CORO7: variants seen among roughly 807,000 people sequenced by gnomAD.
CORO7 encodes the protein coronin-7.
In CORO7, 107 loss-of-function variants were observed where a neutral mutation model predicts 126.6. The ratio of observed to expected loss-of-function variants is 0.85; its 90% CI spans 0.72 to 0.99. CORO7 has a LOEUF of 0.99. Among genes scored for constraint, CORO7 ranks in the 50% least tolerant of loss-of-function variants. CORO7 has a pLI of 0.00. For synonymous variants in CORO7, 603 were observed against 536.8 expected, an observed-to-expected ratio of 1.12 and a Z score of -1.70; for missense variants, 1,314 against 1,255.8, an observed-to-expected ratio of 1.05 and a Z score of -0.70.
chr16:4,398,955 G>A (rs780319684), intron 6 of CORO7, among the ~76,000 whole-genome samples: 4 of 149,004 alleles, frequency 2.7e-5, no homozygotes, highest in Admixed American at 6.7e-5. Flanking sequence ...GTGACAGTGC[G>A]AGACTCCGTC....
chr16:4,363,180 C>A, intron 14 of CORO7: 1 of 153,808 alleles, frequency 6.5e-6, no homozygotes. Flanking sequence ...GGCTGTAATC[C>A]CAGCAGTTTG....
chr16:4,401,337 T>C lies in CORO7; in HGVS notation c.564+4154A>G, dbSNP rs1036674637. Among the ~76,000 whole-genome samples the C allele has an allele frequency of 4.6e-5, 7 of 152,326 alleles. No individual in the cohort carries two copies. In the East Asian group the frequency reaches 1.4e-3, roughly 29 times the overall value. On this transcript the variant is annotated intron_variant, in intron 6 of 27. Coordinates refer to ENST00000251166, the MANE Select transcript of CORO7 (RefSeq NM_024535.5). ...AGGGGGCCGTGGGCACACGCATGGC[T>C]GGCAGAGGCGGGGGCCTGTCTGGAG...
At chr16:4,400,411 ATCACCTGATG>A (rs2055755756) in intron 6 of CORO7, among the ~76,000 whole-genome samples, 1 of 152,196 alleles carries the variant, frequency 6.6e-6, no homozygotes, top group Admixed American at 6.5e-5. Context: ...AGGTGGGTGG[ATCACCTGATG>A]TCAGGAGTTC....
intron 9 of CORO7, chr16:4,382,231 A>G: frequency 6.2e-7 from 1 of 1,606,650 alleles, no homozygotes; most frequent in African/African-American, 1.3e-5. Context: ...GACACGGCCC[A>G]GCCCTACACC....
intron 3 of CORO7, among the ~76,000 whole-genome samples, chr16:4,410,805 T>A (rs1373472978): frequency 6.6e-6 from 1 of 152,146 alleles, no homozygotes; most frequent in African/African-American, 2.4e-5. Context: ...CGGTCACAAC[T>A]CAACTCTGCA....
chr16:4,394,091 A>G (rs1409763474), intron 7 of CORO7, among the ~76,000 whole-genome samples: 1 of 151,448 alleles, frequency 6.6e-6, no homozygotes, highest in East Asian at 1.9e-4. Flanking sequence ...AAAGAGCAAG[A>G]CTCCATCTCC....
intron 9 of CORO7, among the ~76,000 whole-genome samples, chr16:4,377,221 C>G (rs968810575): frequency 6.6e-6 from 1 of 152,136 alleles, no homozygotes; most frequent in Non-Finnish European, 1.5e-5. Context: ...TCCCACCCCC[C>G]GACGTCCCCG....
chr16:4,411,635 T>TCA (rs2056212699), intron 3 of CORO7, among the ~76,000 whole-genome samples: 1 of 152,068 alleles, frequency 6.6e-6, no homozygotes, highest in African/African-American at 2.4e-5. Context: ...ACTATTGTTA[T>TCA]TAACCACCAT....
In CORO7 at chr16:4,408,196, G is replaced by C. The variant is rs1382577451; in HGVS notation, c.288C>G (p.Gly96=). The C allele has an allele frequency of 1.2e-6, 2 of 1,614,228 alleles. No homozygotes were observed. The highest frequency in any genetic ancestry group is 1.7e-6 in the Non-Finnish European group (2 of 1,180,044). ...CTCCACTCACCGTCCTGTCAGCCGA[G>C]CCTGTGGCCAGGAGGAAGTCATCAA... is the stretch of plus-strand genomic sequence containing the variant. ...SPFDDFLLAT[G]SADRTVKLWR... The change falls in exon 4 of 28, where the codon GGC becomes GGG. Residue 96 remains glycine, a synonymous_variant. Coordinates refer to ENST00000251166, the MANE Select transcript of CORO7 (RefSeq NM_024535.5).
intron 9 of CORO7, among the ~76,000 whole-genome samples, chr16:4,375,735 AC>A (rs1415856552): frequency 6.6e-6 from 1 of 152,122 alleles, no homozygotes; most frequent in East Asian, 1.9e-4. Flanking sequence ...TGATCGTCCT[AC>A]CTCGGCCTCC....
intron 9 of CORO7, 84 bp downstream of exon 9, chr16:4,387,902 C>G: frequency 6.5e-7 from 1 of 1,541,630 alleles, no homozygotes; most frequent in Non-Finnish European, 8.9e-7. Context: ...CAGCCCGCCT[C>G]ACTGACAGGC....
chr16:4,396,755 C>T (rs2055606469), intron 6 of CORO7, among the ~76,000 whole-genome samples: 1 of 152,092 alleles, frequency 6.6e-6, no homozygotes, highest in African/African-American at 2.4e-5. Context: ...GTGGCTCACG[C>T]CTGTAATCCC....
At chr16:4,409,059 G>T (rs532497597) in intron 3 of CORO7, among the ~76,000 whole-genome samples, 1 of 152,286 alleles carries the variant, frequency 6.6e-6, no homozygotes, top group South Asian at 2.1e-4. Context: ...GGGAAATGCG[G>T]TGGGTGGTTG....
Position 4,413,329 on chromosome 16 carries a change from C to A in CORO7, c.136G>T (p.Ala46Ser), listed in dbSNP as rs527794334. Residue 46 changes from alanine to serine, a missense_variant, in exon 2 of 28, where the codon GCC (alanine) becomes TCC (serine). Ala to Ser is a moderately conservative substitution (Grantham distance 99). Transcript: ENST00000251166. ...CTACCAGGACGGTCGGAGTTGAAGG[C>A]GATCAAGCTGCAGCTTGATTTGATG... ...NHIKSSCSLIAFNSDRPGVLG... is the reference protein window; with the variant it reads ...NHIKSSCSLISFNSDRPGVLG... 1.7e-5 allele frequency: 27 copies of A among 1,583,136 alleles called. 1 individual carries two copies. The South Asian group carries it at 3.0e-4, about 18-fold the overall frequency.
rs763599060 is a variant in CORO7 at position 4,364,892 on chromosome 16, C to A, written c.927G>T (p.Leu309=). 1.2e-6 allele frequency: 2 copies of A among 1,611,460 alleles called. No homozygotes were observed. The highest frequency in any genetic ancestry group is 1.7e-5 in the Admixed American group (1 of 59,868). Reference sequence around the variant, plus strand: ...GCCGGGGCACAAGGGCAGCCCCACGCAGCACGCTCTCCAGGACACACTGGG... The same window carrying A: ...GCCGGGGCACAAGGGCAGCCCCACGAAGCACGCTCTCCAGGACACACTGGG... ...PVTQCVLESV[L]RGAALVPRQA... The change falls in exon 12 of 28, where the codon CTG becomes CTT. Residue 309 remains leucine, a synonymous_variant. Coordinates refer to ENST00000251166, the MANE Select transcript of CORO7 (RefSeq NM_024535.5).
chr16:4,356,916 T>C, intron 26 of CORO7: 1 of 560,034 alleles, frequency 1.8e-6, no homozygotes, highest in Non-Finnish European at 3.2e-6. Flanking sequence ...CCAAAAGCAC[T>C]TGGGCCCAGA....
chr16:4,396,931 G>A (rs765062607), intron 6 of CORO7, among the ~76,000 whole-genome samples: 22 of 144,866 alleles, frequency 1.5e-4, no homozygotes, highest in Non-Finnish European at 2.7e-4. Flanking sequence ...CAGGAGAATC[G>A]TTTGAACCTG....
chr16:4,364,263 C>CAAGGCTTA lies in CORO7; in HGVS notation c.1275+12_1275+13insTAAGCCTT. On this transcript the variant is annotated intron_variant, in intron 14 of 27. Coordinates refer to ENST00000251166, the MANE Select transcript of CORO7 (RefSeq NM_024535.5). ...TGTCGCTGAGGGAGGATGGGGGCGG[C>CAAGGCTTA]CCTGGTACTTACGCTTGCGTCTGCA... 6.6e-7 allele frequency: 1 copy of CAAGGCTTA among 1,525,314 alleles called. No homozygotes were observed. Among genetic ancestry groups the CAAGGCTTA allele is most frequent in the Non-Finnish European group, 8.8e-7 (1 of 1,139,656 alleles). 94.5% of individuals were successfully genotyped at this position (1,525,314 alleles called of 1,614,324 possible). A position where few individuals can be genotyped will look rare whatever the true frequency, so the allele number is the denominator to read the frequency against.
At position 4,416,400 on chromosome 16, in the gene CORO7, G is replaced by A. The variant is rs1025655256; in HGVS notation, c.60+59C>T. The A allele has an allele frequency of 2.1e-5, 31 of 1,497,042 alleles. No individual in the cohort carries two copies. The East Asian group carries it at 2.2e-4, about 10-fold the overall frequency. 92.7% of individuals were successfully genotyped at this position (1,497,042 alleles called of 1,614,324 possible). A position where few individuals can be genotyped will look rare whatever the true frequency, so the allele number is the denominator to read the frequency against. On this transcript the variant is annotated intron_variant, in intron 1 of 27. Transcript: ENST00000251166. ...GGCACCCCTGTGGGGTCCGGGCAGG[G>A]GGAGGGGCAGCCGGACGGGGCCCGA...
Sources: allele counts gnomAD v4.1 joint callset (sites outside exome capture counted in the v4.1 genomes callset), GRCh38; gene constraint gnomAD v4.1.1; transcripts MANE v1.5; gene names NCBI Gene and HGNC (gene_info 2026-07-23, HGNC 2026-07-21).